Variants in TRABD2B observed in about 807,000 individuals in gnomAD.
TRABD2B encodes the protein TraB domain containing 2B, also known as metalloprotease TIKI2.
A neutral mutation model predicts 40.1 loss-of-function variants in TRABD2B; 14 were observed. That is an observed-to-expected ratio of 0.35 (90% CI 0.23 to 0.55). The LOEUF (loss-of-function observed/expected upper bound fraction) is 0.55. TRABD2B is among the 20% of genes least tolerant of loss of function. The pLI, the probability that TRABD2B is intolerant of heterozygous loss-of-function variation, is 0.90. For synonymous variants in TRABD2B, 263 were observed against 277.0 expected, an observed-to-expected ratio of 0.95 and a Z score of 0.50; for missense variants, 541 against 648.6, an observed-to-expected ratio of 0.83 and a Z score of 1.80.
At chr1:47,910,123 G>C (rs1171223669) in intron 2 of TRABD2B, among the ~76,000 whole-genome samples, 1 of 152,010 alleles carries the variant, frequency 6.6e-6, no homozygotes, top group Non-Finnish European at 1.5e-5. Context: ...GCTTCCCAAA[G>C]TGCTGGGATT....
At chr1:47,871,354 C>T (rs1644137929) in intron 2 of TRABD2B, among the ~76,000 whole-genome samples, 1 of 152,178 alleles carries the variant, frequency 6.6e-6, no homozygotes, top group South Asian at 2.1e-4. Flanking sequence ...TAACCAGAAC[C>T]AGACCTGGAT....
intron 2 of TRABD2B, among the ~76,000 whole-genome samples, chr1:47,941,194 G>A (rs1398662169): frequency 1.1e-4 from 16 of 152,156 alleles, no homozygotes; most frequent in Admixed American, 1.0e-3. Flanking sequence ...CAAGGTCCCA[G>A]AACCTCAGTG....
rs1186944230 is a variant in TRABD2B, at chr1:47,762,578, A to G, written c.*3324T>C. On this transcript the variant is annotated 3_prime_UTR_variant, in exon 7 of 7. Coordinates refer to ENST00000606738, the MANE Select transcript of TRABD2B (RefSeq NM_001194986.2). ...TCTAGCCGAGGCCAGGAAGTTGTAGATAACACATTATTTAGCATGAAGAAA... is the reference window on the plus strand; with the variant it reads ...TCTAGCCGAGGCCAGGAAGTTGTAGGTAACACATTATTTAGCATGAAGAAA... 1 of 152,218 alleles carries G rather than the reference A, an allele frequency of 6.6e-6. No individual in the cohort carries two copies. The highest frequency in any genetic ancestry group is 2.4e-5 in the African/African-American group (1 of 41,448). The allele number at this position is 152,218 out of a possible 1,614,324, so 9.4% of individuals were successfully genotyped here. A position where few individuals can be genotyped will look rare whatever the true frequency, so the allele number is the denominator to read the frequency against.
Position 47,956,836 on chromosome 1 carries a change from C to A in TRABD2B, c.666+37198G>T, listed in dbSNP as rs149594524. ...CTTCTGCAGACTTAAACGTCCCTGTCTGACAGCTTTGAAGAGAGTAGTGGT... is the reference window on the plus strand; with the variant it reads ...CTTCTGCAGACTTAAACGTCCCTGTATGACAGCTTTGAAGAGAGTAGTGGT... On this transcript the variant is annotated intron_variant, in intron 2 of 6. Transcript: ENST00000606738. 3.3e-5 allele frequency among the ~76,000 whole-genome samples: 5 copies of A among 152,382 alleles called. No homozygotes were observed. In the East Asian group the frequency reaches 9.6e-4, roughly 29 times the overall value.
intron 2 of TRABD2B, among the ~76,000 whole-genome samples, chr1:47,826,714 C>A (rs1645180838): frequency 6.6e-6 from 1 of 152,168 alleles, no homozygotes; most frequent in African/African-American, 2.4e-5. Context: ...GCTAGAACTA[C>A]AGGTGCGTGC....
intron 2 of TRABD2B, among the ~76,000 whole-genome samples, chr1:47,912,529 T>C (rs1228064760): frequency 6.6e-6 from 1 of 152,240 alleles, no homozygotes. Context: ...TCCCACCACC[T>C]GGGATTTCCC....
intron 6 of TRABD2B, among the ~76,000 whole-genome samples, chr1:47,772,572 T>C (rs1644390963): frequency 6.6e-6 from 1 of 151,940 alleles, no homozygotes; most frequent in Admixed American, 6.5e-5. Context: ...GGAGAGGTGA[T>C]GGGGAGTAGG....
At chr1:47,793,403 C>T (rs571814841) in intron 4 of TRABD2B, among the ~76,000 whole-genome samples, 2 of 152,328 alleles carry the variant, frequency 1.3e-5, no homozygotes, top group East Asian at 1.9e-4. Flanking sequence ...AAAGGAGGGG[C>T]GAGGCCCAGC....
chr1:47,942,676 A>G (rs1645203633), intron 2 of TRABD2B, among the ~76,000 whole-genome samples: 2 of 152,224 alleles, frequency 1.3e-5, no homozygotes, highest in African/African-American at 4.8e-5. Context: ...TTGCACATTT[A>G]CCAGGTTCCA....
At chr1:47,835,894 T>C (rs1012825869) in intron 2 of TRABD2B, among the ~76,000 whole-genome samples, 10 of 152,204 alleles carry the variant, frequency 6.6e-5, no homozygotes, top group African/African-American at 2.4e-4. Context: ...AAATGAATTT[T>C]GAAGGGTTCT....
intron 2 of TRABD2B, among the ~76,000 whole-genome samples, chr1:47,853,225 G>A (rs1008890963): frequency 6.6e-6 from 1 of 152,144 alleles, no homozygotes; most frequent in East Asian, 1.9e-4. Flanking sequence ...CATATCCCTG[G>A]GACTCCACAT....
intron 4 of TRABD2B, among the ~76,000 whole-genome samples, chr1:47,786,857 G>T (rs1356065085): frequency 6.6e-6 from 1 of 152,052 alleles, no homozygotes; most frequent in Non-Finnish European, 1.5e-5. Flanking sequence ...GCATCACCAT[G>T]ACTATGACTG....
chr1:47,793,494 AG>A, intron 4 of TRABD2B, among the ~76,000 whole-genome samples: 1 of 152,330 alleles, frequency 6.6e-6, no homozygotes, highest in East Asian at 1.9e-4. Context: ...GACATCCACA[AG>A]GGCCCTGGTG....
At chr1:47,806,522 C>T (rs887813238) in intron 2 of TRABD2B, among the ~76,000 whole-genome samples, 1 of 152,170 alleles carries the variant, frequency 6.6e-6, no homozygotes, top group Non-Finnish European at 1.5e-5. Flanking sequence ...CATGGAATAA[C>T]AAACATCGGG....
At chr1:47,940,062 A>G (rs975614228) in intron 2 of TRABD2B, among the ~76,000 whole-genome samples, 1 of 152,042 alleles carries the variant, frequency 6.6e-6, no homozygotes, top group African/African-American at 2.4e-5. Flanking sequence ...TCCCTGATGC[A>G]CCCTTTATTA....
Position 47,775,197 on chromosome 1 carries a change from T to C in TRABD2B, c.1322A>G (p.Asn441Ser), listed in dbSNP as rs1644428157. ...GTCCTCGATGCGGACCCAGAGGTCA[T>C]TGAACTGCCGCGGCCGCTGGTGTGT... The part of the protein sequence containing the change: ...QSTHQRPRQF[N>S]DLWVRIEDST... Residue 441 changes from asparagine (N) to serine (S), a missense_variant, in exon 6 of 7, where the codon AAT becomes AGT. By Grantham distance (46) the Asn-to-Ser change is conservative. Coordinates refer to ENST00000606738, the MANE Select transcript of TRABD2B (RefSeq NM_001194986.2). 3.2e-6 allele frequency: 4 copies of C among 1,239,072 alleles called. No individual in the cohort carries two copies. The highest frequency in any genetic ancestry group is 4.0e-6 in the Non-Finnish European group (4 of 990,826). 76.8% of individuals were successfully genotyped at this position (1,239,072 alleles called of 1,614,324 possible). A position where few individuals can be genotyped will look rare whatever the true frequency, so the allele number is the denominator to read the frequency against.
chr1:47,892,338 A>C (rs937119216), intron 2 of TRABD2B, among the ~76,000 whole-genome samples: 2 of 152,238 alleles, frequency 1.3e-5, no homozygotes, highest in Non-Finnish European at 2.9e-5. Context: ...TGAATTGAAG[A>C]AGTCTGGTAA....
rs547104724 is a variant in TRABD2B at position 47,985,534 on chromosome 1, C to T, written c.666+8500G>A. Among the ~76,000 whole-genome samples, 5 of 152,358 alleles carry T rather than the reference C, an allele frequency of 3.3e-5. No homozygotes were observed. The East Asian group carries it at 9.7e-4, about 29-fold the overall frequency. Reference sequence around the variant, plus strand: ...TCGGAAGGAACACAGAATCCAGCAACAGGTGCAAAGGCAGAGACCACACAT... The same window carrying T: ...TCGGAAGGAACACAGAATCCAGCAATAGGTGCAAAGGCAGAGACCACACAT... On this transcript the variant is annotated intron_variant, in intron 2 of 6. Transcript: ENST00000606738.
chr1:47,992,269 C>T (rs960749852), intron 2 of TRABD2B, among the ~76,000 whole-genome samples: 1 of 152,122 alleles, frequency 6.6e-6, no homozygotes, highest in South Asian at 2.1e-4. Flanking sequence ...CCCTCCCGGC[C>T]GATGAATGGC....
Sources: gnomAD v4.1 joint callset for allele counts (sites outside exome capture counted in the v4.1 genomes callset) on GRCh38, gnomAD v4.1.1 for gene constraint, MANE v1.5 for transcripts, NCBI Gene and HGNC (gene_info 2026-07-23, HGNC 2026-07-21) for gene names.